Variants in NXN observed in about 807,000 individuals in gnomAD.
NXN encodes the protein nucleoredoxin, also known as nucleoredoxin 1.
Under a neutral mutation model 48.6 loss-of-function variants are expected in NXN, and 16 were observed. That is an observed-to-expected ratio of 0.33 (90% CI 0.22 to 0.50). The LOEUF (loss-of-function observed/expected upper bound fraction) is 0.50, where lower values mean the gene tolerates loss of function less well. Among genes scored for constraint, NXN ranks in the 20% least tolerant of loss-of-function variants. The probability of loss-of-function intolerance (pLI) is 0.98; values close to 1 mark genes in which losing one functional copy is unlikely to be tolerated. For missense variants in NXN, 492 were observed against 605.5 expected, an observed-to-expected ratio of 0.81 and a Z score of 1.97; for synonymous variants, 281 against 269.6, an observed-to-expected ratio of 1.04 and a Z score of -0.41.
rs886251640 is a variant in NXN, at chr17:924,298, G to A, written c.360+55021C>T. The stretch of plus-strand genomic sequence containing the variant: ...ATTGCCCAGGCTGGAGTGCAATGGC[G>A]CGATCTCGGCTCACTGCAACCTCCA... On this transcript the variant is annotated intron_variant, in intron 1 of 7. Coordinates refer to ENST00000336868, the MANE Select transcript of NXN (RefSeq NM_022463.5). Among the ~76,000 whole-genome samples the A allele has an allele frequency of 2.6e-5, 4 of 152,146 alleles. 1 individual carries two copies. Among genetic ancestry groups the A allele is most frequent in the South Asian group, 4.1e-4 (2 of 4,826 alleles).
chr17:961,472 C>T (rs1044486427), intron 1 of NXN, among the ~76,000 whole-genome samples: 3 of 152,078 alleles, frequency 2.0e-5, no homozygotes, highest in African/African-American at 7.2e-5. Flanking sequence ...TGTTAACATT[C>T]AGAGGATTTC....
chr17:879,582 C>T (rs779130562), intron 1 of NXN, among the ~76,000 whole-genome samples: 3 of 151,940 alleles, frequency 2.0e-5, no homozygotes, highest in Non-Finnish European at 4.4e-5. Flanking sequence ...CCACCGCGCC[C>T]GGCCACGAGT....
At chr17:961,637 C>T (rs150574351) in intron 1 of NXN, among the ~76,000 whole-genome samples, 4 of 152,324 alleles carry the variant, frequency 2.6e-5, no homozygotes, top group Non-Finnish European at 4.4e-5. Flanking sequence ...TCTAAACTGA[C>T]ATTAATTCCC....
At chr17:835,109 C>A (rs539307554) in intron 1 of NXN, among the ~76,000 whole-genome samples, 5 of 151,186 alleles carry the variant, frequency 3.3e-5, no homozygotes, top group African/African-American at 1.2e-4. Context: ...GAGATCGAGA[C>A]CATCCTGGCT....
intron 1 of NXN, among the ~76,000 whole-genome samples, chr17:861,732 T>G (rs2068042574): frequency 6.6e-6 from 1 of 151,934 alleles, no homozygotes; most frequent in African/African-American, 2.4e-5. Context: ...TAAAAAATAG[T>G]GAATTTAATA....
At chr17:904,688 C>A (rs867357490) in intron 1 of NXN, among the ~76,000 whole-genome samples, 1 of 152,098 alleles carries the variant, frequency 6.6e-6, no homozygotes. Context: ...GGATTACAGG[C>A]GCATGCAATC....
rs2068138861 is a variant in NXN at position 870,388 on chromosome 17, AT to A, written c.361-44311del. Among the ~76,000 whole-genome samples the A allele has an allele frequency of 3.9e-5, 6 of 152,138 alleles. No homozygotes were observed. The South Asian group carries it at 1.2e-3, about 32-fold the overall frequency. ...CATGAGCCTGAATTGTCTCACTGTTATCACGTGATCAGAGTGAGGCGGCCTA... is the reference window on the plus strand; with the variant it reads ...CATGAGCCTGAATTGTCTCACTGTTACACGTGATCAGAGTGAGGCGGCCTA... On this transcript the variant is annotated intron_variant, in intron 1 of 7. Transcript: ENST00000336868.
intron 1 of NXN, among the ~76,000 whole-genome samples, chr17:862,466 G>C (rs2068050853): frequency 6.6e-6 from 1 of 152,254 alleles, no homozygotes; most frequent in South Asian, 2.1e-4. Flanking sequence ...AGAGGCTACA[G>C]CGAGCTATGA....
rs1567818415 is a variant in NXN, at chr17:823,648, T to TAG, written c.594_595dup (p.Tyr199SerfsTer90). ...AACACTCACCCAATGTGCGGAGAAA[T>TAG]AGACGCCCACGTGAGACCCCTCCAG... On this transcript the variant is annotated frameshift_variant, in exon 3 of 8. Coordinates refer to ENST00000336868, the MANE Select transcript of NXN (RefSeq NM_022463.5). LOFTEE classifies it high-confidence loss of function. The TAG allele has an allele frequency of 6.2e-7, 1 of 1,613,934 alleles. No individual in the cohort carries two copies. The highest frequency in any genetic ancestry group is 2.2e-5 in the East Asian group (1 of 44,862).
intron 1 of NXN, among the ~76,000 whole-genome samples, chr17:887,136 C>T (rs1431063332): frequency 1.3e-5 from 2 of 151,648 alleles, no homozygotes; most frequent in African/African-American, 2.4e-5. Flanking sequence ...AGGCTGGTCT[C>T]GAACTCCTGG....
chr17:935,027 T>C (rs1012649877), intron 1 of NXN, among the ~76,000 whole-genome samples: 7 of 151,844 alleles, frequency 4.6e-5, no homozygotes, highest in African/African-American at 1.7e-4. Context: ...TCTCTCACCC[T>C]GTCTCCCAGG....
chr17:869,538 C>A (rs111519722), intron 1 of NXN, among the ~76,000 whole-genome samples: 1,970 of 152,348 alleles, frequency 0.013, 39 homozygotes, highest in African/African-American at 0.044. Context: ...TCCCTGTTCA[C>A]ATCCACATAC....
chr17:809,986 A>G (rs1239855393), intron 5 of NXN, among the ~76,000 whole-genome samples: 1 of 133,230 alleles, frequency 7.5e-6, no homozygotes, highest in Non-Finnish European at 1.6e-5. Flanking sequence ...CGAGTCTGTG[A>G]GTGGCGTGTA....
At chr17:925,034 C>A (rs561180357) in intron 1 of NXN, among the ~76,000 whole-genome samples, 1 of 152,328 alleles carries the variant, frequency 6.6e-6, no homozygotes, top group East Asian at 1.9e-4. Context: ...GAGCAGCCGG[C>A]GGATTCAGGT....
Position 831,965 on chromosome 17 carries a change from T to C in NXN, c.361-5887A>G, listed in dbSNP as rs549462218. Among the ~76,000 whole-genome samples, 8 of 114,624 alleles carry C rather than the reference T, an allele frequency of 7.0e-5. No individual in the cohort carries two copies. The East Asian group carries it at 2.0e-3, about 29-fold the overall frequency. 75.2% of individuals were successfully genotyped at this position (114,624 alleles called of 152,430 possible). On this transcript the variant is annotated intron_variant, in intron 1 of 7. Transcript: ENST00000336868. The stretch of plus-strand genomic sequence containing the variant: ...ATGTATTATTAAGGGATCACTAGGA[T>C]CTTATGTTCTGTGGGGCTTGGGGCT...
At position 926,267 on chromosome 17, in the gene NXN, G is replaced by C. The variant is rs550355682; in HGVS notation, c.360+53052C>G. Among the ~76,000 whole-genome samples, 37 of 152,176 alleles carry C rather than the reference G, an allele frequency of 2.4e-4. No homozygotes were observed. The South Asian group carries it at 7.5e-3, about 31-fold the overall frequency. ...GTGGCACCGTCAATGGCTCACTGCA[G>C]CCTCAACCTCCCGGGCTCAAGCAAT... On this transcript the variant is annotated intron_variant, in intron 1 of 7. Coordinates refer to ENST00000336868, the MANE Select transcript of NXN (RefSeq NM_022463.5).
At position 867,020 on chromosome 17, in the gene NXN, C is replaced by T. The variant is rs190009341; in HGVS notation, c.361-40942G>A. 4.7e-5 allele frequency among the ~76,000 whole-genome samples: 7 copies of T among 148,652 alleles called. No homozygotes were observed. The East Asian group carries it at 1.2e-3, about 25-fold the overall frequency. Reference sequence around the variant, plus strand: ...TTCTCCAGCTTGGTCAGCAAGTTCTCGGGGTTCTCCGGGGAATCCTCCAGC... The same window carrying T: ...TTCTCCAGCTTGGTCAGCAAGTTCTTGGGGTTCTCCGGGGAATCCTCCAGC... On this transcript the variant is annotated intron_variant, in intron 1 of 7. Coordinates refer to ENST00000336868, the MANE Select transcript of NXN (RefSeq NM_022463.5).
At chr17:864,534 C>T (rs2068077725) in intron 1 of NXN, among the ~76,000 whole-genome samples, 1 of 152,364 alleles carries the variant, frequency 6.6e-6, no homozygotes, top group African/African-American at 2.4e-5. Flanking sequence ...GGAGTACAGG[C>T]TGTTTCTCCC....
chr17:878,272 G>A (rs2068239632), intron 1 of NXN: 1 of 151,758 alleles, frequency 6.6e-6, no homozygotes, highest in Admixed American at 6.6e-5. Flanking sequence ...AAGGTTCCAA[G>A]GTACGGCAAT....
Sources: gnomAD v4.1 joint callset for allele counts (sites outside exome capture counted in the v4.1 genomes callset) on GRCh38, gnomAD v4.1.1 for gene constraint, MANE v1.5 for transcripts, NCBI Gene and HGNC (gene_info 2026-07-23, HGNC 2026-07-21) for gene names.